PPFIA2: variants seen among roughly 807,000 people sequenced by gnomAD.
PPFIA2 encodes liprin-alpha-2.
In PPFIA2, 46 loss-of-function variants were observed where a neutral mutation model predicts 175.5. That is an observed-to-expected ratio of 0.26 (90% CI 0.21 to 0.34). The LOEUF (loss-of-function observed/expected upper bound fraction) is 0.34. PPFIA2 is among the 10% of genes least tolerant of loss of function. PPFIA2 has a pLI of 1.00. For synonymous variants in PPFIA2, 568 were observed against 511.4 expected (o/e 1.11, Z -1.49); for missense variants, 1,179 against 1,506.1 (o/e 0.78, Z 3.60).
chr12:81,569,705 T>G (rs1334570474), intron 4 of PPFIA2, among the ~76,000 whole-genome samples: 1 of 152,212 alleles, frequency 6.6e-6, no homozygotes, highest in East Asian at 1.9e-4. Context: ...AAGAACTATA[T>G]AATAATACCA....
chr12:81,319,238 T>C (rs1444058177), intron 22 of PPFIA2, among the ~76,000 whole-genome samples: 1 of 151,764 alleles, frequency 6.6e-6, no homozygotes, highest in African/African-American at 2.4e-5. Flanking sequence ...TCTAAATAGA[T>C]CAAATATATC....
Position 81,281,453 on chromosome 12 carries a change from A to G in PPFIA2, c.3019-3T>C, listed in dbSNP as rs779402333. The G allele has an allele frequency of 1.3e-6, 2 of 1,590,342 alleles. No individual in the cohort carries two copies. Among genetic ancestry groups the G allele is most frequent in the East Asian group, 2.2e-5 (1 of 44,588 alleles). ...AGGGTCTGTAGAAAAACCGGACACT[A>G]GAATTGTTTTATAGCAGTCAAGTTT... On this transcript the variant is annotated splice_polypyrimidine_tract_variant and splice_region_variant and intron_variant, in intron 26 of 32. Coordinates refer to ENST00000549396, the MANE Select transcript of PPFIA2 (RefSeq NM_003625.5).
At chr12:81,520,940 A>G (rs931518804) in intron 4 of PPFIA2, among the ~76,000 whole-genome samples, 1 of 152,114 alleles carries the variant, frequency 6.6e-6, no homozygotes, top group Non-Finnish European at 1.5e-5. Context: ...AAATCATTAT[A>G]GCAGATTTTT....
At chr12:81,540,138 A>G (rs1190386631) in intron 4 of PPFIA2, among the ~76,000 whole-genome samples, 1 of 152,016 alleles carries the variant, frequency 6.6e-6, no homozygotes, top group African/African-American at 2.4e-5. Context: ...CAGATTCTGT[A>G]CTTCTCACCA....
At chr12:81,518,403 C>A in intron 4 of PPFIA2, among the ~76,000 whole-genome samples, 1 of 152,268 alleles carries the variant, frequency 6.6e-6, no homozygotes, top group East Asian at 1.9e-4. Flanking sequence ...CTTTTACTCC[C>A]TCAAATAGCC....
chr12:81,632,035 A>G (rs1364572002), intron 4 of PPFIA2, among the ~76,000 whole-genome samples: 1 of 152,208 alleles, frequency 6.6e-6, no homozygotes, highest in Non-Finnish European at 1.5e-5. Context: ...CATATATTTT[A>G]CTTTTATAAA....
In PPFIA2 at chr12:81,602,810, C is replaced by T. The variant is rs560613128; in HGVS notation, c.303+73981G>A. On this transcript the variant is annotated intron_variant, in intron 4 of 32. Coordinates refer to ENST00000549396, the MANE Select transcript of PPFIA2 (RefSeq NM_003625.5). ...AGAACTCCTTAATTGCGGCACTGTTCTCAGAATAATAAATTTTAGAAAAGG... is the reference window on the plus strand; with the variant it reads ...AGAACTCCTTAATTGCGGCACTGTTTTCAGAATAATAAATTTTAGAAAAGG... Among the ~76,000 whole-genome samples, 22 of 151,860 alleles carry T rather than the reference C, an allele frequency of 1.4e-4. No homozygotes were observed. In the South Asian group the frequency reaches 4.2e-3, roughly 29 times the overall value.
At chr12:81,375,989 TTTAA>T (rs2036265199) in intron 9 of PPFIA2, 47 bp from the exon 10 acceptor site, 1 of 1,510,052 alleles carries the variant, frequency 6.6e-7, no homozygotes, top group East Asian at 2.3e-5. Flanking sequence ...TCTCAGATTG[TTTAA>T]TTATTGTCTT....
chr12:81,391,312 G>A (rs1361755210), intron 8 of PPFIA2, among the ~76,000 whole-genome samples: 2 of 151,760 alleles, frequency 1.3e-5, no homozygotes, highest in African/African-American at 4.8e-5. Context: ...AAAGGGAGGG[G>A]GATATCCCTG....
chr12:81,680,095 T>C (rs956649550), intron 3 of PPFIA2, among the ~76,000 whole-genome samples: 23 of 151,994 alleles, frequency 1.5e-4, no homozygotes, highest in Admixed American at 1.1e-3. Context: ...AAACATTGAC[T>C]TCCTAGAAAG....
At chr12:81,581,248 G>T (rs2074361541) in intron 4 of PPFIA2, among the ~76,000 whole-genome samples, 1 of 151,632 alleles carries the variant, frequency 6.6e-6, no homozygotes, top group Non-Finnish European at 1.5e-5. Flanking sequence ...TGGGACAGGG[G>T]TTGAGCAAGC....
At chr12:81,698,390 C>A (rs1382095551) in intron 3 of PPFIA2, among the ~76,000 whole-genome samples, 4 of 152,058 alleles carry the variant, frequency 2.6e-5, no homozygotes, top group African/African-American at 9.7e-5. Context: ...TGCTTTCTTG[C>A]CCTTCTACCT....
intron 6 of PPFIA2, among the ~76,000 whole-genome samples, chr12:81,444,549 G>A (rs567681581): frequency 1.2e-4 from 18 of 151,680 alleles, no homozygotes; most frequent in Admixed American, 2.0e-4. Context: ...ATTGCCTCTC[G>A]TTGCTAAAAT....
At chr12:81,664,491 C>T (rs2069684297) in intron 4 of PPFIA2, among the ~76,000 whole-genome samples, 1 of 152,050 alleles carries the variant, frequency 6.6e-6, no homozygotes, top group South Asian at 2.1e-4. Context: ...AATAAGATAC[C>T]ATCTCACACC....
chr12:81,274,681 T>C (rs1232362943), intron 28 of PPFIA2, among the ~76,000 whole-genome samples: 1 of 152,202 alleles, frequency 6.6e-6, no homozygotes, highest in East Asian at 1.9e-4. Context: ...AGTAGGTTCT[T>C]GATATTCACA....
intron 4 of PPFIA2, chr12:81,598,341 G>A: frequency 8.7e-7 from 1 of 1,143,300 alleles, no homozygotes; most frequent in Non-Finnish European, 1.1e-6. Context: ...TGCAGAATCT[G>A]GCAGTGCTGT....
chr12:81,539,304 G>C (rs1455009683), intron 4 of PPFIA2, among the ~76,000 whole-genome samples: 2 of 151,870 alleles, frequency 1.3e-5, no homozygotes, highest in African/African-American at 4.8e-5. Context: ...ATACATTTGA[G>C]AGCCTTGGCC....
At chr12:81,518,557 C>T (rs2062738949) in intron 4 of PPFIA2, among the ~76,000 whole-genome samples, 1 of 151,982 alleles carries the variant, frequency 6.6e-6, no homozygotes, top group Admixed American at 6.6e-5. Context: ...GACACCTTCA[C>T]CTTTCTAAGC....
chr12:81,393,367 T>TTG lies in PPFIA2; in HGVS notation c.763-9125_763-9124dup, dbSNP rs2040504544. On this transcript the variant is annotated intron_variant, in intron 8 of 32. Transcript: ENST00000549396. ...GCTTTCAAATGTTTTGTTGCTATTG[T>TTG]TGTTCATCTATAAAATAAAGAATCA... Among the ~76,000 whole-genome samples, 3 of 152,222 alleles carry TTG rather than the reference T, an allele frequency of 2.0e-5. No homozygotes were observed. The South Asian group carries it at 6.2e-4, about 32-fold the overall frequency.
Sources: allele counts gnomAD v4.1 joint callset (sites outside exome capture counted in the v4.1 genomes callset), GRCh38; gene constraint gnomAD v4.1.1; transcripts MANE v1.5; gene names NCBI Gene and HGNC (gene_info 2026-07-23, HGNC 2026-07-21).